The following KCNQ1 variants were observed in gnomAD, a reference collection of about 807,000 sequenced individuals.
The protein encoded by KCNQ1 is potassium voltage-gated channel subfamily KQT member 1.
KCNQ1 carries 49 observed loss-of-function variants against 72.4 expected under a neutral mutation model. The ratio of observed to expected loss-of-function variants is 0.68; its 90% CI spans 0.54 to 0.86. KCNQ1 has a LOEUF of 0.86. Among genes scored for constraint, KCNQ1 ranks in the 40% least tolerant of loss-of-function variants. KCNQ1 has a pLI of 0.00. For synonymous variants in KCNQ1, 450 were observed against 412.6 expected (o/e 1.09, Z -1.10); for missense variants, 790 against 945.1 (o/e 0.84, Z 2.15).
rs2133766359 is a variant in KCNQ1 at position 2,592,441 on chromosome 11, G to A, written c.1393+3587G>A. 6.6e-6 allele frequency among the ~76,000 whole-genome samples: 1 copy of A among 152,296 alleles called. No homozygotes were observed. Among genetic ancestry groups the A allele is most frequent in the African/African-American group, 2.4e-5 (1 of 41,566 alleles). ...GTCCCTGTAGAGCAGCCTCACTGAG[G>A]GGAGGCACCAGCCCTCATCCCACGC... On this transcript the variant is annotated intron_variant, in intron 10 of 15. Coordinates refer to ENST00000155840, the MANE Select transcript of KCNQ1 (RefSeq NM_000218.3). This position sits in a 1 kb window ranked among gnomAD's most constrained non-coding sequence, Gnocchi z 5.2.
chr11:2,681,220 G>A lies in KCNQ1; in HGVS notation c.1514+19139G>A, dbSNP rs1850391007. 1.8e-5 allele frequency: 7 copies of A among 398,620 alleles called. No homozygotes were observed. The East Asian group carries it at 2.5e-4, about 14-fold the overall frequency. 24.7% of individuals were successfully genotyped at this position (398,620 alleles called of 1,614,324 possible). A position where few individuals can be genotyped will look rare whatever the true frequency, so the allele number is the denominator to read the frequency against. ...GCAGTGTTTGTGTTCTATGAAGAGTGGGTAGAAGGAAGCAGGAGAGTATTC... is the reference window on the plus strand; with the variant it reads ...GCAGTGTTTGTGTTCTATGAAGAGTAGGTAGAAGGAAGCAGGAGAGTATTC... On this transcript the variant is annotated intron_variant, in intron 11 of 15. Coordinates refer to ENST00000155840, the MANE Select transcript of KCNQ1 (RefSeq NM_000218.3).
intron 1 of KCNQ1, among the ~76,000 whole-genome samples, chr11:2,496,394 G>A (rs745489568): frequency 2.6e-5 from 4 of 150,996 alleles, no homozygotes; most frequent in South Asian, 4.2e-4. Context: ...CCAAGATAGC[G>A]CCACTGCAGT....
intron 1 of KCNQ1, among the ~76,000 whole-genome samples, chr11:2,502,258 C>T (rs1005151232): frequency 6.6e-6 from 1 of 152,094 alleles, no homozygotes; most frequent in Admixed American, 6.6e-5. Context: ...GTCAAATTAT[C>T]CTTGTTTGCA....
rs1848580010 is a variant in KCNQ1 at position 2,585,456 on chromosome 11, T to A, written c.1128+149T>A. ...ATACTCTGCTTGTGGAAGCCTTGGC[T>A]GCTGTGGTGATGGGGTGAGCACGGG... On this transcript the variant is annotated intron_variant, in intron 8 of 15. Transcript: ENST00000155840. The A allele has an allele frequency of 9.1e-6, 7 of 765,842 alleles. No homozygotes were observed. The South Asian group carries it at 1.0e-4, about 11-fold the overall frequency. 47.4% of individuals were successfully genotyped at this position (765,842 alleles called of 1,614,324 possible).
intron 11 of KCNQ1, among the ~76,000 whole-genome samples, chr11:2,732,364 G>A (rs533999815): frequency 1.3e-5 from 2 of 152,316 alleles, no homozygotes; most frequent in South Asian, 4.1e-4. Context: ...CACTCCCTCA[G>A]GGTGCTGAGG....
At position 2,537,699 on chromosome 11, in the gene KCNQ1, T is replaced by G. The variant is rs555980247; in HGVS notation, c.477+9681T>G. Among the ~76,000 whole-genome samples, 2 of 150,610 alleles carry G rather than the reference T, an allele frequency of 1.3e-5. No individual in the cohort carries two copies. The highest frequency in any genetic ancestry group is 2.5e-5 in the African/African-American group (1 of 40,108). Reference sequence around the variant, plus strand: ...AAAAACCTATATGGGTTTTGTGGGGTTTTTTGTTGTTGGTTTTTTATTTTT... The same window carrying G: ...AAAAACCTATATGGGTTTTGTGGGGGTTTTTGTTGTTGGTTTTTTATTTTT... On this transcript the variant is annotated intron_variant, in intron 2 of 15. Transcript: ENST00000155840. This position sits in a 1 kb window ranked among gnomAD's most constrained non-coding sequence, Gnocchi z 5.2.
chr11:2,728,718 C>A (rs1845805336), intron 11 of KCNQ1, among the ~76,000 whole-genome samples: 1 of 152,142 alleles, frequency 6.6e-6, no homozygotes, highest in Non-Finnish European at 1.5e-5. Flanking sequence ...GACAGGAAGT[C>A]CCTGAGGGCT....
At chr11:2,739,402 G>A (rs1245761691) in intron 11 of KCNQ1, among the ~76,000 whole-genome samples, 7 of 152,200 alleles carry the variant, frequency 4.6e-5, no homozygotes, top group Non-Finnish European at 1.0e-4. Context: ...GTGGTTCCCA[G>A]CCATTTGGAT....
intron 13 of KCNQ1, 56 bp downstream of exon 13, chr11:2,776,110 C>T (rs1590081559): frequency 3.5e-6 from 5 of 1,427,916 alleles, no homozygotes; most frequent in South Asian, 1.2e-5. Flanking sequence ...CAGCCCGGCC[C>T]CAGCTGCATG....
At chr11:2,721,559 G>A (rs1036761133) in intron 11 of KCNQ1, among the ~76,000 whole-genome samples, 8 of 152,360 alleles carry the variant, frequency 5.3e-5, no homozygotes, top group South Asian at 2.1e-4. Flanking sequence ...TTTACATTCC[G>A]GCGGTCAGCA....
Position 2,679,624 on chromosome 11 carries a change from G to C in KCNQ1, c.1514+17543G>C, listed in dbSNP as rs1446805697. ...AGGCGAGTTGGAATGAATAGTATCA[G>C]CATCAGAAAAAATACAAGTGCATCC... On this transcript the variant is annotated intron_variant, in intron 11 of 15. Transcript: ENST00000155840. The surrounding 1 kb of genome is among the most constrained non-coding windows in gnomAD (Gnocchi z 4.8). The C allele has an allele frequency of 2.5e-6, 1 of 398,458 alleles. No individual in the cohort carries two copies. The highest frequency in any genetic ancestry group is 4.4e-5 in the Admixed American group (1 of 22,708). The allele number at this position is 398,458 out of a possible 1,614,324, so 24.7% of individuals were successfully genotyped here. A position where few individuals can be genotyped will look rare whatever the true frequency, so the allele number is the denominator to read the frequency against.
chr11:2,505,592 A>G (rs1340690469), intron 1 of KCNQ1, among the ~76,000 whole-genome samples: 1 of 152,096 alleles, frequency 6.6e-6, no homozygotes, highest in Non-Finnish European at 1.5e-5. Context: ...TCATTGTAGA[A>G]CTATTTCTCC....
At chr11:2,561,181 C>T (rs1368420656) in intron 2 of KCNQ1, among the ~76,000 whole-genome samples, 5 of 139,420 alleles carry the variant, frequency 3.6e-5, no homozygotes, top group South Asian at 2.3e-4. Flanking sequence ...CCAGCCTGGG[C>T]GACAGCGAGA....
chr11:2,638,996 T>A (rs1033591575), intron 10 of KCNQ1: 5 of 152,254 alleles, frequency 3.3e-5, no homozygotes, highest in African/African-American at 4.8e-5. Context: ...TTTCTTCCAG[T>A]TGATCAAATC....
chr11:2,732,852 T>TGGCGGTCTCCCCTGCCCC (rs1845878264), intron 11 of KCNQ1, among the ~76,000 whole-genome samples: 1 of 151,730 alleles, frequency 6.6e-6, no homozygotes, highest in African/African-American at 2.4e-5. Context: ...ACCCCTGCCC[T>TGGCGGTCTCCCCTGCCCC]GGCGGTCTCC....
At position 2,592,903 on chromosome 11, in the gene KCNQ1, G is replaced by A. The variant is rs187671882; in HGVS notation, c.1393+4049G>A. ...AGCCGCATACTGGCCATGCTGCCTC[G>A]CTGTCCCTGCCTCAGAGCCACTGTA... On this transcript the variant is annotated intron_variant, in intron 10 of 15. Coordinates refer to ENST00000155840, the MANE Select transcript of KCNQ1 (RefSeq NM_000218.3). The surrounding 1 kb of genome is among the most constrained non-coding windows in gnomAD (Gnocchi z 5.2). 2.5e-3 allele frequency among the ~76,000 whole-genome samples: 384 copies of A among 152,226 alleles called. 2 individuals carry two copies. The highest frequency in any genetic ancestry group is 8.8e-3 in the African/African-American group (364 of 41,538).
chr11:2,659,638 G>T lies in KCNQ1; in HGVS notation c.1394-2323G>T. ...GGGAAAGGAACCGATAGGTCATGTG[G>T]TATGTGTATGTTTAACTTAATAAGA... On this transcript the variant is annotated intron_variant, in intron 10 of 15. Coordinates refer to ENST00000155840, the MANE Select transcript of KCNQ1 (RefSeq NM_000218.3). The surrounding 1 kb of genome is among the most constrained non-coding windows in gnomAD (Gnocchi z 4.3). The T allele has an allele frequency of 2.5e-6, 1 of 398,506 alleles. No individual in the cohort carries two copies. The highest frequency in any genetic ancestry group is 2.1e-5 in the African/African-American group (1 of 48,750). 24.7% of individuals were successfully genotyped at this position (398,506 alleles called of 1,614,324 possible).
At chr11:2,631,788 C>T in intron 10 of KCNQ1, 1 of 398,634 alleles carries the variant, frequency 2.5e-6, no homozygotes, top group East Asian at 3.6e-5. Context: ...GCAAACATTA[C>T]AAAGGTCCTT....
intron 10 of KCNQ1, chr11:2,622,205 G>A (rs961989679): frequency 2.8e-5 from 11 of 398,296 alleles, no homozygotes; most frequent in Admixed American, 4.4e-5. Context: ...AATTCTGTCA[G>A]TATATTTTCT....
Sources: allele counts gnomAD v4.1 joint callset (sites outside exome capture counted in the v4.1 genomes callset), GRCh38; gene constraint gnomAD v4.1.1; non-coding constraint Gnocchi (gnomAD v3.1); transcripts MANE v1.5; gene names NCBI Gene and HGNC (gene_info 2026-07-23, HGNC 2026-07-21).